DIS3L2: variants seen among roughly 807,000 people sequenced by gnomAD.
DIS3L2 encodes the protein DIS3-like exonuclease 2.
In DIS3L2, 34 loss-of-function variants were observed where a neutral mutation model predicts 97.5. The observed-to-expected ratio is 0.35, with a 90% CI of 0.27 to 0.46. DIS3L2 has a LOEUF of 0.46. Among genes scored for constraint, DIS3L2 ranks in the 20% least tolerant of loss-of-function variants. The probability of loss-of-function intolerance (pLI) is 1.00; values close to 1 mark genes in which losing one functional copy is unlikely to be tolerated. For missense variants in DIS3L2, 1,038 were observed against 1,146.0 expected (o/e 0.91, Z 1.36); for synonymous variants, 435 against 445.2 (o/e 0.98, Z 0.29).
At chr2:232,215,158 A>T (rs1692296938) in intron 10 of DIS3L2, among the ~76,000 whole-genome samples, 1 of 152,186 alleles carries the variant, frequency 6.6e-6, no homozygotes, top group Non-Finnish European at 1.5e-5. Context: ...TGGAAATTGG[A>T]GTTTACACCT....
chr2:232,218,232 C>CCGCGGATGAA (rs1185380491), intron 10 of DIS3L2, among the ~76,000 whole-genome samples: 26 of 152,320 alleles, frequency 1.7e-4, no homozygotes, highest in African/African-American at 6.3e-4. Context: ...AAGCGAGGAA[C>CCGCGGATGAA]CGCGGATGAA....
At chr2:232,181,370 T>C (rs1691263770) in intron 9 of DIS3L2, among the ~76,000 whole-genome samples, 2 of 152,202 alleles carry the variant, frequency 1.3e-5, no homozygotes, top group Admixed American at 6.5e-5. Context: ...CCTTGCTAGA[T>C]TGGGGAAGTT....
At position 232,077,999 on chromosome 2, in the gene DIS3L2, TTCTTTCTTTCTTTCTTTCTTTTTCTC is replaced by T. The variant is rs1175332558; in HGVS notation, c.367-9486_367-9461del. Among the ~76,000 whole-genome samples the T allele has an allele frequency of 7.2e-4, 103 of 143,196 alleles. No individual in the cohort carries two copies. In the East Asian group the frequency reaches 7.6e-3, roughly 11 times the overall value. 93.9% of individuals were successfully genotyped at this position (143,196 alleles called of 152,430 possible). On this transcript the variant is annotated intron_variant, in intron 5 of 20. Coordinates refer to ENST00000325385, the MANE Select transcript of DIS3L2 (RefSeq NM_152383.5). ...TTTCTTTCTTTCTTTCTTTCTTTCTTTCTTTCTTTCTTTCTTTCTTTTTCTCTTTCTCTTTCTCTTTCTTTTTTTTT... is the reference window on the plus strand; with the variant it reads ...TTTCTTTCTTTCTTTCTTTCTTTCTTTTTCTCTTTCTCTTTCTTTTTTTTT...
chr2:232,184,375 C>G (rs996217228), intron 9 of DIS3L2, among the ~76,000 whole-genome samples: 3 of 152,112 alleles, frequency 2.0e-5, no homozygotes, highest in African/African-American at 7.2e-5. Flanking sequence ...AGGTCGGGTG[C>G]GTGGCTCATA....
intron 13 of DIS3L2, among the ~76,000 whole-genome samples, chr2:232,265,613 A>G (rs1325987145): frequency 6.6e-6 from 1 of 152,358 alleles, no homozygotes; most frequent in South Asian, 2.1e-4. Context: ...CAGTTTAACT[A>G]AATATCAGGG....
chr2:232,035,691 G>A (rs1456819354), intron 5 of DIS3L2, among the ~76,000 whole-genome samples: 2 of 152,168 alleles, frequency 1.3e-5, no homozygotes, highest in Non-Finnish European at 2.9e-5. Context: ...TGTAAGGCAA[G>A]CCTGGTGCTG....
At chr2:232,173,216 CAA>C in intron 9 of DIS3L2, among the ~76,000 whole-genome samples, 1 of 152,060 alleles carries the variant, frequency 6.6e-6, no homozygotes, top group Admixed American at 6.6e-5. Flanking sequence ...GCGAAGATCA[CAA>C]AGAGTTAGAC....
intron 8 of DIS3L2, among the ~76,000 whole-genome samples, chr2:232,148,903 G>A (rs542878168): frequency 6.8e-6 from 1 of 148,134 alleles, no homozygotes; most frequent in East Asian, 1.9e-4. Flanking sequence ...AGCTGTTTCT[G>A]AGTCAGTGCT....
intron 9 of DIS3L2, among the ~76,000 whole-genome samples, chr2:232,164,150 T>C (rs1166353641): frequency 1.3e-5 from 2 of 152,334 alleles, no homozygotes; most frequent in Non-Finnish European, 2.9e-5. Flanking sequence ...GCCATAGATC[T>C]GGTCAAGTAC....
At chr2:232,132,628 A>G (rs1164787727) in intron 7 of DIS3L2, among the ~76,000 whole-genome samples, 1 of 152,220 alleles carries the variant, frequency 6.6e-6, no homozygotes, top group Non-Finnish European at 1.5e-5. Context: ...AGGGTGGCCC[A>G]GCTAGACTAA....
At chr2:232,303,086 C>G (rs1215024861) in intron 14 of DIS3L2, among the ~76,000 whole-genome samples, 1 of 152,252 alleles carries the variant, frequency 6.6e-6, no homozygotes, top group African/African-American at 2.4e-5. Flanking sequence ...AAAACTGGCT[C>G]ATGACTTCCA....
At chr2:232,083,496 CTTTT>C (rs759630455) in intron 5 of DIS3L2, among the ~76,000 whole-genome samples, 4 of 138,702 alleles carry the variant, frequency 2.9e-5, no homozygotes, top group South Asian at 2.3e-4. Flanking sequence ...TCTTCTTCTT[CTTTT>C]TTTTTTTTTT....
At chr2:232,323,282 G>C (rs909076087) in intron 14 of DIS3L2, among the ~76,000 whole-genome samples, 10 of 152,236 alleles carry the variant, frequency 6.6e-5, no homozygotes, top group Admixed American at 6.5e-4. Flanking sequence ...CTTGGGGAGC[G>C]AATGAGGCTT....
chr2:232,172,779 C>T (rs1253533292), intron 9 of DIS3L2: 2 of 533,850 alleles, frequency 3.7e-6, no homozygotes, highest in African/African-American at 3.9e-5. Flanking sequence ...CATATCCTAA[C>T]ACTTGTTATC....
chr2:232,300,054 C>A lies in DIS3L2; in HGVS notation c.1674C>A (p.Phe558Leu). The A allele has an allele frequency of 6.2e-7, 1 of 1,613,684 alleles. No homozygotes were observed. Among genetic ancestry groups the A allele is most frequent in the South Asian group, 1.1e-5 (1 of 91,058 alleles). ...ALRLDQLKLA[F>L]TLDHETGLPQ... ...TCTCTCTTCAGCTAAAGCTTGCTTTCACTCTGGACCACGAGACCGGATTGC... is the reference window on the plus strand; with the variant it reads ...TCTCTCTTCAGCTAAAGCTTGCTTTAACTCTGGACCACGAGACCGGATTGC... Residue 558 changes from phenylalanine (F) to leucine (L), a missense_variant, in exon 14 of 21, where the codon TTC (phenylalanine) becomes TTA (leucine). Physicochemically the swap from Phe to Leu is conservative, Grantham distance 22. Around this residue, in one of 3 missense-constraint regions of DIS3L2, gnomAD observed 813 missense variants for 880.1 expected, o/e 0.92. Coordinates refer to ENST00000325385, the MANE Select transcript of DIS3L2 (RefSeq NM_152383.5).
chr2:232,068,909 C>T (rs941690196), intron 5 of DIS3L2, among the ~76,000 whole-genome samples: 6 of 151,288 alleles, frequency 4.0e-5, no homozygotes, highest in African/African-American at 9.7e-5. Flanking sequence ...CTTTGCCTCC[C>T]GGGTTCAGGT....
chr2:231,980,159 ATTC>A (rs1249951454), intron 1 of DIS3L2, among the ~76,000 whole-genome samples: 21 of 152,280 alleles, frequency 1.4e-4, no homozygotes, highest in African/African-American at 4.6e-4. Flanking sequence ...TATTTTGGGC[ATTC>A]TTCTATTAGA....
chr2:232,184,533 C>T (rs1482370639), intron 9 of DIS3L2, among the ~76,000 whole-genome samples: 1 of 152,062 alleles, frequency 6.6e-6, no homozygotes, highest in East Asian at 1.9e-4. Flanking sequence ...TGCCTGTAGT[C>T]CCACTACTAG....
At chr2:232,136,904 C>T (rs1256370651) in intron 8 of DIS3L2, among the ~76,000 whole-genome samples, 185 bp downstream of exon 8, 1 of 152,192 alleles carries the variant, frequency 6.6e-6, no homozygotes, top group Non-Finnish European at 1.5e-5. Context: ...CCTGTATGTT[C>T]CTTGAATTAC....
Sources: gnomAD v4.1 joint callset for allele counts (sites outside exome capture counted in the v4.1 genomes callset) on GRCh38, gnomAD v4.1.1 for gene constraint, gnomAD v4.1.1 regional missense constraint, MANE v1.5 for transcripts, NCBI Gene and HGNC (gene_info 2026-07-23, HGNC 2026-07-21) for gene names.